The following KLRG1 variants were observed in gnomAD, a reference collection of about 807,000 sequenced individuals.
KLRG1 encodes killer cell lectin like receptor G1, also known as killer cell lectin-like receptor subfamily G member 1.
Under a neutral mutation model 21.8 loss-of-function variants are expected in KLRG1, and 16 were observed. The ratio of observed to expected loss-of-function variants is 0.73; its 90% CI spans 0.50 to 1.11. The LOEUF (loss-of-function observed/expected upper bound fraction) is 1.11. Among genes scored for constraint, KLRG1 ranks in the 50% most tolerant of loss-of-function variants. The probability of loss-of-function intolerance (pLI) is 0.00; values close to 1 mark genes in which losing one functional copy is unlikely to be tolerated. For synonymous variants in KLRG1, 69 were observed against 75.9 expected (o/e 0.91, Z 0.47); for missense variants, 173 against 218.3 (o/e 0.79, Z 1.31).
the KLRG1 span, among the ~76,000 whole-genome samples, chr12:9,060,165 C>G: frequency 2.0e-5 from 3 of 151,642 alleles, no homozygotes; most frequent in Non-Finnish European, 2.9e-5. Context: ...CCACCACATC[C>G]GGCTAATTTT....
the KLRG1 span, among the ~76,000 whole-genome samples, chr12:9,035,004 T>C: frequency 6.6e-6 from 1 of 152,132 alleles, no homozygotes; most frequent in African/African-American, 2.4e-5. Context: ...TGTGTCTTAG[T>C]TTTTAACAAA....
the KLRG1 span, among the ~76,000 whole-genome samples, chr12:9,178,457 T>C: frequency 6.6e-6 from 1 of 152,112 alleles, no homozygotes; most frequent in African/African-American, 2.4e-5. Flanking sequence ...ATGCTGGCAA[T>C]TGGGAGGTGA....
At chr12:8,974,903 C>CTT (rs112783184) in intron 1 of KLRG1, among the ~76,000 whole-genome samples, 21 of 148,172 alleles carry the variant, frequency 1.4e-4, no homozygotes, top group Admixed American at 2.0e-4. Flanking sequence ...TCTTCTTCTT[C>CTT]TTCTTTTTTT....
At chr12:9,121,913 C>T in the KLRG1 span, among the ~76,000 whole-genome samples, 1 of 152,184 alleles carries the variant, frequency 6.6e-6, no homozygotes, top group African/African-American at 2.4e-5. This position sits in a 1 kb window ranked among gnomAD's most constrained non-coding sequence, Gnocchi z 4.4. Context: ...TATATTTTCC[C>T]AGCACTCATT....
At chr12:9,210,607 C>G in the KLRG1 span, among the ~76,000 whole-genome samples, 1 of 152,120 alleles carries the variant, frequency 6.6e-6, no homozygotes, top group Non-Finnish European at 1.5e-5. Context: ...TTCAATACCT[C>G]CAGTGAATAT....
the KLRG1 span, chr12:9,069,104 T>TA: frequency 3.6e-6 from 1 of 278,552 alleles, no homozygotes; most frequent in East Asian, 6.3e-5. Flanking sequence ...ATATACTTTT[T>TA]ATTGGATGAC....
chr12:9,207,121 C>T, the KLRG1 span, among the ~76,000 whole-genome samples: 1 of 152,140 alleles, frequency 6.6e-6, no homozygotes, highest in Non-Finnish European at 1.5e-5. Context: ...CTGCTTTCTG[C>T]GCTTTGGCCT....
At chr12:9,152,336 T>G in the KLRG1 span, 2 of 1,571,146 alleles carry the variant, frequency 1.3e-6, no homozygotes, top group Non-Finnish European at 1.8e-6. Flanking sequence ...AAAAAGAATT[T>G]AGGGTTTTAT....
the KLRG1 span, chr12:9,148,958 A>C: frequency 6.2e-7 from 1 of 1,604,674 alleles, no homozygotes; most frequent in Non-Finnish European, 8.5e-7. Flanking sequence ...CAAAATATAC[A>C]GCCTGTATGG....
intron 1 of KLRG1, among the ~76,000 whole-genome samples, chr12:8,978,680 CTTTCTTTCTTTT>C (rs993898850): frequency 2.4e-5 from 3 of 124,580 alleles, no homozygotes; most frequent in African/African-American, 8.5e-5. Flanking sequence ...TTCTTTCTTT[CTTTCTTTCTTTT>C]TCTTTCTTTT....
the KLRG1 span, among the ~76,000 whole-genome samples, chr12:9,102,933 A>T: frequency 6.6e-6 from 1 of 152,202 alleles, no homozygotes; most frequent in Non-Finnish European, 1.5e-5. Context: ...AACTCTAAAG[A>T]GGCAGGCGTT....
the KLRG1 span, among the ~76,000 whole-genome samples, chr12:9,104,608 A>G: frequency 1.3e-5 from 2 of 152,158 alleles, no homozygotes; most frequent in South Asian, 2.1e-4. Flanking sequence ...TATACATAAC[A>G]TACACTAATT....
the KLRG1 span, among the ~76,000 whole-genome samples, chr12:9,138,749 A>G: frequency 2.0e-5 from 3 of 152,172 alleles, no homozygotes; most frequent in South Asian, 4.1e-4. Context: ...AATTTACACA[A>G]TTCTTCTAGG....
chr12:9,153,346 G>A, the KLRG1 span: 1 of 1,610,658 alleles, frequency 6.2e-7, no homozygotes. Flanking sequence ...ACTGTGTCCT[G>A]GAAGAGACGA....
the KLRG1 span, among the ~76,000 whole-genome samples, chr12:9,100,384 A>G: frequency 1.3e-5 from 2 of 152,200 alleles, no homozygotes; most frequent in Admixed American, 1.3e-4. Context: ...AGCATAGATT[A>G]TACACAACAA....
chr12:9,172,896 C>T, the KLRG1 span, among the ~76,000 whole-genome samples: 1 of 152,216 alleles, frequency 6.6e-6, no homozygotes. Flanking sequence ...TAACACACCA[C>T]TGACAATATT....
chr12:9,190,219 T>A, the KLRG1 span, among the ~76,000 whole-genome samples: 3 of 152,106 alleles, frequency 2.0e-5, no homozygotes, highest in East Asian at 5.8e-4. Flanking sequence ...CCTGTTGCAA[T>A]GAACAGTAGC....
chr12:9,202,610 C>T, the KLRG1 span: 1,253 of 1,614,070 alleles, frequency 7.8e-4, 10 homozygotes, highest in Middle Eastern at 0.018. Context: ...TGTTCCTCTT[C>T]CTGAAATCTT....
chr12:9,076,750 T>C, the KLRG1 span: 1 of 1,613,696 alleles, frequency 6.2e-7, no homozygotes, highest in Non-Finnish European at 8.5e-7. Flanking sequence ...TCAGGTGTGC[T>C]CTCACCTTTC....
Sources: allele counts gnomAD v4.1 joint callset (sites outside exome capture counted in the v4.1 genomes callset), GRCh38; gene constraint gnomAD v4.1.1; non-coding constraint Gnocchi (gnomAD v3.1); transcripts MANE v1.5; gene names NCBI Gene and HGNC (gene_info 2026-07-23, HGNC 2026-07-21).